EYS: variants seen among roughly 807,000 people sequenced by gnomAD.
The protein encoded by EYS is EGF-like photoreceptor maintenance factor.
EYS carries 250 observed loss-of-function variants against 282.1 expected under a neutral mutation model. The observed-to-expected ratio is 0.89, with a 90% CI of 0.80 to 0.98. The LOEUF is 0.98. Ranked by LOEUF, EYS falls within the 50% of genes least tolerant of loss-of-function variation. The pLI, the probability that EYS is intolerant of heterozygous loss-of-function variation, is 0.00. For missense variants in EYS, 4,016 were observed against 3,709.0 expected, an observed-to-expected ratio of 1.08 and a Z score of -2.15; for synonymous variants, 1,355 against 1,282.9, an observed-to-expected ratio of 1.06 and a Z score of -1.20.
At chr6:64,116,255 C>T (rs980317121) in intron 31 of EYS, among the ~76,000 whole-genome samples, 6 of 152,002 alleles carry the variant, frequency 3.9e-5, no homozygotes, top group Admixed American at 3.9e-4. Flanking sequence ...TTGAAAGCAA[C>T]AGAAAAGGAA....
intron 2 of EYS, among the ~76,000 whole-genome samples, chr6:65,567,925 G>A (rs1764332998): frequency 6.6e-6 from 1 of 151,988 alleles, no homozygotes; most frequent in East Asian, 1.9e-4. Flanking sequence ...ATTTTGACAT[G>A]CTGAACTGAA....
intron 11 of EYS, among the ~76,000 whole-genome samples, chr6:65,325,616 G>T (rs1316496169): frequency 6.6e-6 from 1 of 152,082 alleles, no homozygotes; most frequent in African/African-American, 2.4e-5. Flanking sequence ...TTAGTGATTG[G>T]ATGTGTCAGG....
At chr6:64,574,204 C>G (rs536111962) in intron 26 of EYS, among the ~76,000 whole-genome samples, 3 of 152,048 alleles carry the variant, frequency 2.0e-5, no homozygotes, top group Non-Finnish European at 2.9e-5. Flanking sequence ...CATGTTCTCA[C>G]TCATAAGTGG....
chr6:64,396,992 A>G (rs1218164994), intron 28 of EYS, among the ~76,000 whole-genome samples: 3 of 151,994 alleles, frequency 2.0e-5, no homozygotes, highest in African/African-American at 4.8e-5. Context: ...CTTTGTGTCA[A>G]TATTACACTG....
At chr6:64,156,688 G>A (rs1774933207) in intron 31 of EYS, among the ~76,000 whole-genome samples, 2 of 152,126 alleles carry the variant, frequency 1.3e-5, no homozygotes, top group South Asian at 4.1e-4. Flanking sequence ...GTTGGGAACT[G>A]GAGCAAAAGT....
intron 30 of EYS, among the ~76,000 whole-genome samples, chr6:64,245,114 G>A (rs1027805472): frequency 2.6e-5 from 4 of 151,826 alleles, no homozygotes; most frequent in Admixed American, 6.6e-5. Context: ...TGCTCAGAAC[G>A]ATGGTTTCCA....
chr6:65,362,475 G>GTA (rs1270437745), intron 8 of EYS, among the ~76,000 whole-genome samples: 1 of 151,784 alleles, frequency 6.6e-6, no homozygotes, highest in Non-Finnish European at 1.5e-5. Context: ...ATGTGCATGT[G>GTA]TATATATATG....
chr6:64,506,920 A>G (rs1265679217), intron 26 of EYS, among the ~76,000 whole-genome samples: 1 of 139,724 alleles, frequency 7.2e-6, no homozygotes, highest in Non-Finnish European at 1.5e-5. Flanking sequence ...AAAAAAAAAA[A>G]AAAAACTGAC....
At chr6:64,105,916 T>A (rs2150262236) in intron 31 of EYS, among the ~76,000 whole-genome samples, 1 of 152,298 alleles carries the variant, frequency 6.6e-6, no homozygotes, top group South Asian at 2.1e-4. Context: ...TGTCTCCATC[T>A]CCTTACTTTT....
chr6:65,428,221 T>C (rs1767738055), intron 5 of EYS, among the ~76,000 whole-genome samples: 1 of 152,116 alleles, frequency 6.6e-6, no homozygotes, highest in South Asian at 2.1e-4. Flanking sequence ...CCAGTTATTC[T>C]ATGTCTGAAA....
At chr6:65,085,399 G>A (rs1468541229) in intron 12 of EYS, among the ~76,000 whole-genome samples, 1 of 152,026 alleles carries the variant, frequency 6.6e-6, no homozygotes, top group African/African-American at 2.4e-5. Context: ...TCCTTTCAGT[G>A]GAAAGAACAT....
intron 2 of EYS, among the ~76,000 whole-genome samples, chr6:65,591,054 C>T (rs549157353): frequency 3.3e-5 from 5 of 152,118 alleles, no homozygotes; most frequent in African/African-American, 9.6e-5. Context: ...GATCTCCATA[C>T]TTTTTTCCAA....
intron 22 of EYS, among the ~76,000 whole-genome samples, chr6:64,797,115 C>T (rs560012669): frequency 1.3e-5 from 2 of 152,186 alleles, no homozygotes; most frequent in South Asian, 2.1e-4. Flanking sequence ...CAATATCAGC[C>T]AGCTCTACCT....
chr6:64,096,353 C>T (rs1772613446), intron 31 of EYS, among the ~76,000 whole-genome samples: 1 of 152,222 alleles, frequency 6.6e-6, no homozygotes, highest in African/African-American at 2.4e-5. Flanking sequence ...TGTTTTCCAA[C>T]TTGGTTCCAT....
At chr6:64,240,181 G>A (rs1362110237) in intron 30 of EYS, among the ~76,000 whole-genome samples, 2 of 152,176 alleles carry the variant, frequency 1.3e-5, no homozygotes, top group East Asian at 3.9e-4. Flanking sequence ...TTGAAGTCAG[G>A]TAGTGTGATG....
intron 13 of EYS, among the ~76,000 whole-genome samples, chr6:65,049,629 G>A (rs1374965394): frequency 2.6e-5 from 4 of 151,696 alleles, no homozygotes; most frequent in South Asian, 2.1e-4. Context: ...AAACAATAGC[G>A]TTGTTATTAC....
intron 16 of EYS, among the ~76,000 whole-genome samples, chr6:64,904,782 G>A (rs1162601947): frequency 6.6e-6 from 1 of 152,110 alleles, no homozygotes; most frequent in East Asian, 1.9e-4. Flanking sequence ...CAGGGCCCAG[G>A]ACCTTGGGTA....
At chr6:64,292,433 A>C (rs2150366301) in intron 30 of EYS, among the ~76,000 whole-genome samples, 1 of 152,206 alleles carries the variant, frequency 6.6e-6, no homozygotes, top group South Asian at 2.1e-4. Context: ...AAAGAAAATA[A>C]ATTGAGTTGC....
chr6:65,393,177 TG>T (rs1004130854), intron 7 of EYS, among the ~76,000 whole-genome samples: 6 of 74,230 alleles, frequency 8.1e-5, no homozygotes, highest in African/African-American at 3.2e-4. Flanking sequence ...TGTTGTGGGG[TG>T]GGGGGACGGG....
Sources: gnomAD v4.1 joint callset for allele counts (sites outside exome capture counted in the v4.1 genomes callset) on GRCh38, gnomAD v4.1.1 for gene constraint, MANE v1.5 for transcripts, NCBI Gene and HGNC (gene_info 2026-07-23, HGNC 2026-07-21) for gene names.